ELF1: variants seen among roughly 807,000 people sequenced by gnomAD.
The protein encoded by ELF1 is ETS-related transcription factor Elf-1.
Under a neutral mutation model 59.9 loss-of-function variants are expected in ELF1, and 24 were observed. That is an observed-to-expected ratio of 0.40 (90% CI 0.29 to 0.56). ELF1 has a LOEUF of 0.56. Among genes scored for constraint, ELF1 ranks in the 20% least tolerant of loss-of-function variants. ELF1 has a pLI of 0.44. For missense variants in ELF1, 627 were observed against 742.2 expected, an observed-to-expected ratio of 0.84 and a Z score of 1.80; for synonymous variants, 248 against 266.2, an observed-to-expected ratio of 0.93 and a Z score of 0.67.
chr13:40,961,414 T>C (rs927344809), intron 2 of ELF1, among the ~76,000 whole-genome samples: 3 of 152,150 alleles, frequency 2.0e-5, no homozygotes, highest in Non-Finnish European at 4.4e-5. Flanking sequence ...AAGCCAGGCC[T>C]GGTGGTATGT....
In ELF1 at chr13:40,933,682, C is replaced by T. The variant is rs763561270; in HGVS notation, c.1603G>A (p.Val535Met). 1.7e-5 allele frequency: 27 copies of T among 1,614,138 alleles called. No individual in the cohort carries two copies. In the Admixed American group the frequency reaches 4.2e-4, roughly 25 times the overall value. The change falls in exon 9 of 9, where the codon GTG becomes ATG. Residue 535 changes from valine (V) to methionine (M), a missense_variant. By Grantham distance (21) the Val-to-Met change is conservative (BLOSUM62 1). Around this residue, in one of 3 missense-constraint regions of ELF1, gnomAD observed 361 missense variants for 396.1 expected, o/e 0.91. Coordinates refer to ENST00000239882, the MANE Select transcript of ELF1 (RefSeq NM_172373.4). ...SPSFSATAPV[V>M]TFSPRSSQLV... ...TGTGAACTGCGAGGAGAAAAGGTCA[C>T]CACAGGTGCAGTAGCACTGAAGGAT...
At chr13:40,967,209 GC>G (rs1228272952) in intron 2 of ELF1, among the ~76,000 whole-genome samples, 2 of 152,154 alleles carry the variant, frequency 1.3e-5, no homozygotes. Context: ...CAAAAACCCA[GC>G]ACCTTACTCT....
chr13:41,003,838 G>A (rs1295899769), intron 1 of ELF1, among the ~76,000 whole-genome samples: 3 of 151,946 alleles, frequency 2.0e-5, no homozygotes, highest in African/African-American at 7.3e-5. Flanking sequence ...TTTTAACTAG[G>A]ATGAAAACAC....
intron 6 of ELF1, 151 bp from the exon 7 acceptor site, chr13:40,943,295 G>A: frequency 1.6e-6 from 1 of 635,612 alleles, no homozygotes; most frequent in Non-Finnish European, 2.4e-6. Context: ...TAGTTAGTAT[G>A]GGTGATATAA....
upstream of ELF1, among the ~76,000 whole-genome samples, chr13:41,020,031 C>T (rs1875628256): frequency 6.6e-6 from 1 of 152,214 alleles, no homozygotes; most frequent in Non-Finnish European, 1.5e-5. Flanking sequence ...GTTCATAACT[C>T]TACTACTTCC....
chr13:40,951,463 A>T lies in ELF1; in HGVS notation c.254-27T>A, dbSNP rs1870844819. The stretch of plus-strand genomic sequence containing the variant: ...TGCAACACATTTAAAGAGAAAATTA[A>T]ATTAACTACGAGACATCTGTTACTC... On this transcript the variant is annotated intron_variant, in intron 3 of 8. Coordinates refer to ENST00000239882, the MANE Select transcript of ELF1 (RefSeq NM_172373.4). The T allele has an allele frequency of 3.1e-6, 5 of 1,589,846 alleles. No homozygotes were observed. The South Asian group carries it at 3.3e-5, about 11-fold the overall frequency.
chr13:41,039,397 T>A (rs1026820029), intron 1 of ELF1, among the ~76,000 whole-genome samples: 1 of 150,030 alleles, frequency 6.7e-6, no homozygotes. Flanking sequence ...AATACATTTG[T>A]CAAAACTCAG....
intron 1 of ELF1, among the ~76,000 whole-genome samples, chr13:41,042,094 C>A (rs766803766): frequency 1.2e-4 from 18 of 152,174 alleles, no homozygotes; most frequent in Non-Finnish European, 2.5e-4. Flanking sequence ...ACGATCTAAG[C>A]TCACTGCAAC....
chr13:40,986,437 A>G (rs1873551869), intron 1 of ELF1, among the ~76,000 whole-genome samples: 1 of 152,244 alleles, frequency 6.6e-6, no homozygotes, highest in African/African-American at 2.4e-5. Context: ...CGCTGTAAGT[A>G]TATGCAAGAA....
At chr13:41,025,624 G>A (rs1441081797) in intron 1 of ELF1, among the ~76,000 whole-genome samples, 1 of 152,108 alleles carries the variant, frequency 6.6e-6, no homozygotes, top group African/African-American at 2.4e-5. Flanking sequence ...CTGATTTGAG[G>A]GACTCTTTGT....
At chr13:41,038,782 G>A (rs367607893) in intron 1 of ELF1, among the ~76,000 whole-genome samples, 13 of 151,914 alleles carry the variant, frequency 8.6e-5, no homozygotes, top group African/African-American at 3.1e-4. Flanking sequence ...TTTGGGAGGC[G>A]GAGGCAGTGG....
At chr13:41,026,570 T>A (rs1875929147) in intron 1 of ELF1, among the ~76,000 whole-genome samples, 1 of 152,162 alleles carries the variant, frequency 6.6e-6, no homozygotes, top group Admixed American at 6.6e-5. Context: ...AGCACAGGCC[T>A]GTAGGATTTT....
chr13:41,052,376 C>T (rs1877123328), intron 1 of ELF1, among the ~76,000 whole-genome samples: 1 of 152,146 alleles, frequency 6.6e-6, no homozygotes, highest in Non-Finnish European at 1.5e-5. Context: ...GATAAAGTCT[C>T]TTAAGTGCTG....
chr13:40,995,767 A>G (rs1307473033), intron 1 of ELF1, among the ~76,000 whole-genome samples: 1 of 152,172 alleles, frequency 6.6e-6, no homozygotes, highest in Non-Finnish European at 1.5e-5. Flanking sequence ...TAAAACTCCT[A>G]GAACATAGCA....
intron 1 of ELF1, among the ~76,000 whole-genome samples, chr13:40,999,715 A>G (rs1381559640): frequency 6.6e-6 from 1 of 152,196 alleles, no homozygotes; most frequent in Non-Finnish European, 1.5e-5. Context: ...ACTTCGCATC[A>G]CCAATGTGTA....
intron 1 of ELF1, among the ~76,000 whole-genome samples, chr13:41,025,090 T>C (rs561339368): frequency 4.6e-5 from 7 of 152,150 alleles, no homozygotes; most frequent in Middle Eastern, 3.4e-3. Flanking sequence ...CAGACTATTA[T>C]GGCGTTCAAG....
At chr13:41,057,036 G>A (rs1351752782) in intron 1 of ELF1, among the ~76,000 whole-genome samples, 1 of 152,158 alleles carries the variant, frequency 6.6e-6, no homozygotes, top group African/African-American at 2.4e-5. Flanking sequence ...TTGGACCTAT[G>A]AGACCATGAT....
intron 1 of ELF1, among the ~76,000 whole-genome samples, chr13:41,035,407 C>A (rs943446053): frequency 6.7e-6 from 1 of 148,786 alleles, no homozygotes; most frequent in Non-Finnish European, 1.5e-5. Context: ...AATGATAAAC[C>A]TTTTTTTTTT....
In ELF1 at chr13:40,954,044, T is replaced by G. The variant is rs557580904; in HGVS notation, c.254-2608A>C. On this transcript the variant is annotated intron_variant, in intron 3 of 8. Coordinates refer to ENST00000239882, the MANE Select transcript of ELF1 (RefSeq NM_172373.4). ...GATACACTGCTAAACCCCCACTAAC[T>G]ACAAGCCCAGATACATGCATAGTGG... 9.4e-4 allele frequency among the ~76,000 whole-genome samples: 143 copies of G among 152,284 alleles called. No homozygotes were observed. In the Middle Eastern group the frequency reaches 0.01, roughly 11 times the overall value.
Sources: gnomAD v4.1 joint callset for allele counts (sites outside exome capture counted in the v4.1 genomes callset) on GRCh38, gnomAD v4.1.1 for gene constraint, gnomAD v4.1.1 regional missense constraint, MANE v1.5 for transcripts, NCBI Gene and HGNC (gene_info 2026-07-23, HGNC 2026-07-21) for gene names.